Variants in BYSL observed in about 807,000 individuals in gnomAD.
BYSL encodes the protein bystin like, also known as bystin.
In BYSL, 21 loss-of-function variants were observed where a neutral mutation model predicts 45.4. The observed-to-expected ratio is 0.46, with a 90% CI of 0.33 to 0.67. The LOEUF (loss-of-function observed/expected upper bound fraction) is 0.67. Among genes scored for constraint, BYSL ranks in the 30% least tolerant of loss-of-function variants. The probability of loss-of-function intolerance (pLI) is 0.02; values close to 1 mark genes in which losing one functional copy is unlikely to be tolerated. For synonymous variants in BYSL, 215 were observed against 231.3 expected, an observed-to-expected ratio of 0.93 and a Z score of 0.64; for missense variants, 522 against 578.5, an observed-to-expected ratio of 0.90 and a Z score of 1.00.
Position 41,921,597 on chromosome 6 carries a change from G to T in BYSL, c.35G>T (p.Gly12Val), listed in dbSNP as rs147171521. ...TTCAAGGCGGCCCGTGGGGTGGGGG[G>T]TCAGGAAAAACATGCGCCCCTGGCC... ...PKFKAARGVGGQEKHAPLADQ... is the reference protein window; with the variant it reads ...PKFKAARGVGVQEKHAPLADQ... Residue 12 changes from glycine to valine, a missense_variant, in exon 1 of 7, where the codon GGT becomes GTT. Gly to Val is a moderately radical substitution (Grantham distance 109, BLOSUM62 -3). Transcript: ENST00000230340. 3.1e-6 allele frequency: 5 copies of T among 1,597,870 alleles called. No homozygotes were observed. Among genetic ancestry groups the T allele is most frequent in the Non-Finnish European group, 4.3e-6 (5 of 1,170,028 alleles).
the BYSL span, among the ~76,000 whole-genome samples, chr6:41,914,157 C>T: frequency 1.3e-5 from 2 of 152,302 alleles, no homozygotes; most frequent in South Asian, 2.1e-4. Flanking sequence ...CAGGAAACTA[C>T]TACCATCCCT....
At chr6:41,913,310 C>T in the BYSL span, among the ~76,000 whole-genome samples, 1 of 152,136 alleles carries the variant, frequency 6.6e-6, no homozygotes, top group Non-Finnish European at 1.5e-5. Context: ...CCAATCCAGG[C>T]ATGCTCACCC....
chr6:41,930,109 C>A, intron 2 of BYSL, 23 bp from the exon 3 acceptor site: 1 of 1,613,850 alleles, frequency 6.2e-7, no homozygotes, highest in African/African-American at 1.3e-5. Flanking sequence ...TCTCTCCCCT[C>A]CTCTTGGCAC....
the BYSL span, chr6:41,909,237 AC>A: frequency 6.2e-7 from 1 of 1,601,140 alleles, no homozygotes; most frequent in Non-Finnish European, 8.5e-7. Context: ...CCCCCTCAGA[AC>A]ATCCTGCTCC....
rs1435491160 is a variant in BYSL at position 41,932,296 on chromosome 6, G to GAGA, written c.969-62_969-60dup. The GAGA allele has an allele frequency of 6.2e-6, 9 of 1,448,436 alleles. No individual in the cohort carries two copies. Among genetic ancestry groups the GAGA allele is most frequent in the South Asian group, 6.1e-5 (5 of 81,732 alleles). The allele number at this position is 1,448,436 out of a possible 1,614,324, so 89.7% of individuals were successfully genotyped here. Reference sequence around the variant, plus strand: ...AGAAAAAAAGGGGAAAGCATAGAGGGAGAAGTAGGATCCTTCTTCCAATGT... The same window carrying GAGA: ...AGAAAAAAAGGGGAAAGCATAGAGGGAGAAGAAGTAGGATCCTTCTTCCAATGT... On this transcript the variant is annotated intron_variant, in intron 6 of 6. Transcript: ENST00000230340. The surrounding 1 kb of genome is among the most constrained non-coding windows in gnomAD (Gnocchi z 4.7).
In BYSL at chr6:41,932,919, C is replaced by G. The variant is rs1053137; in HGVS notation, c.*213C>G. Reference sequence around the variant, plus strand: ...TCTAGGCCCTTATCCCTGTTTAGTTCTGAGAGCCAACTTGAGATACCATAT... The same window carrying G: ...TCTAGGCCCTTATCCCTGTTTAGTTGTGAGAGCCAACTTGAGATACCATAT... On this transcript the variant is annotated 3_prime_UTR_variant, in exon 7 of 7. Coordinates refer to ENST00000230340, the MANE Select transcript of BYSL (RefSeq NM_004053.4). This position sits in a 1 kb window ranked among gnomAD's most constrained non-coding sequence, Gnocchi z 4.7. 3.5e-6 allele frequency: 2 copies of G among 573,764 alleles called. No homozygotes were observed. The highest frequency in any genetic ancestry group is 1.9e-5 in the African/African-American group (1 of 53,234). 35.5% of individuals were successfully genotyped at this position (573,764 alleles called of 1,614,324 possible). A position where few individuals can be genotyped will look rare whatever the true frequency, so the allele number is the denominator to read the frequency against.
chr6:41,932,696 C>T lies in BYSL; in HGVS notation c.1304C>T (p.Thr435Ile), dbSNP rs1775659016. The T allele has an allele frequency of 1.2e-6, 2 of 1,606,920 alleles. No homozygotes were observed. The highest frequency in any genetic ancestry group is 4.5e-5 in the East Asian group (2 of 44,728). The stretch of plus-strand genomic sequence containing the variant: ...CGCGATGTGGAAGATGTTCCCATCA[C>T]CGTGGAGTGAGGAAAACAGTCAGCT... ...VPRDVEDVPI[T>I]VE The change falls in exon 7 of 7, where the codon ACC (threonine) becomes ATC (isoleucine). Residue 435 changes from threonine to isoleucine, a missense_variant. Thr to Ile is a moderately conservative substitution (Grantham distance 89, BLOSUM62 -1). Coordinates refer to ENST00000230340, the MANE Select transcript of BYSL (RefSeq NM_004053.4). The surrounding 1 kb of genome is among the most constrained non-coding windows in gnomAD (Gnocchi z 4.7).
the BYSL span, among the ~76,000 whole-genome samples, chr6:41,913,537 T>C: frequency 6.6e-6 from 1 of 152,210 alleles, no homozygotes; most frequent in East Asian, 1.9e-4. Context: ...ACACAAATGG[T>C]AACTTCAATT....
At chr6:41,909,268 C>A in the BYSL span, 1 of 1,613,704 alleles carries the variant, frequency 6.2e-7, no homozygotes, top group South Asian at 1.1e-5. Flanking sequence ...CAAGGTCTTA[C>A]CTCCACAGAG....
At chr6:41,928,301 G>A (rs1458721447) in intron 2 of BYSL, among the ~76,000 whole-genome samples, 2 of 152,114 alleles carry the variant, frequency 1.3e-5, no homozygotes, top group African/African-American at 4.8e-5. Context: ...GATACTTTAG[G>A]CTGTTTTGGG....
At chr6:41,918,816 G>A (rs1327378349), upstream of BYSL, among the ~76,000 whole-genome samples, 14 of 149,902 alleles carry the variant, frequency 9.3e-5, no homozygotes, top group Non-Finnish European at 1.3e-4. Flanking sequence ...GCGCGGTGGC[G>A]GGCGCCTGTA....
At chr6:41,925,686 A>T (rs1775554498) in intron 1 of BYSL, among the ~76,000 whole-genome samples, 1 of 134,916 alleles carries the variant, frequency 7.4e-6, no homozygotes, top group Non-Finnish European at 1.6e-5. Flanking sequence ...TTATTTATTT[A>T]TTTATTTTTT....
the BYSL span, among the ~76,000 whole-genome samples, chr6:41,914,623 T>TCTC: frequency 0.25 from 37,350 of 150,694 alleles, 4,746 homozygotes; most frequent in Middle Eastern, 0.31. Context: ...ATCCAAAGAG[T>TCTC]CTCTCTCATT....
At chr6:41,916,689 C>A, upstream of BYSL, 1 of 1,466,828 alleles carries the variant, frequency 6.8e-7, no homozygotes, top group Non-Finnish European at 9.3e-7. Flanking sequence ...TTTAAGAATA[C>A]CACCTTTAGC....
At position 41,930,226 on chromosome 6, in the gene BYSL, C is replaced by T; in HGVS notation, c.526C>T (p.Gln176Ter). ...MSEVSGFPMPQLDPRVLEVYR... is the reference protein window; with the variant it reads ...MSEVSGFPMP The stretch of plus-strand genomic sequence containing the variant: ...AGAGGTGTCGGGCTTCCCTATGCCC[C>T]AGCTGGACCCCCGGGTCCTAGAAGT... Residue 176 changes from glutamine (Q) to a stop codon, truncating the protein, a stop_gained, in exon 3 of 7, where the codon CAG becomes TAG. Transcript: ENST00000230340. LOFTEE classifies it high-confidence loss of function. 1.9e-6 allele frequency: 3 copies of T among 1,614,160 alleles called. No homozygotes were observed. The highest frequency in any genetic ancestry group is 1.1e-5 in the South Asian group (1 of 91,082).
the BYSL span, chr6:41,912,840 CT>C: frequency 2.6e-5 from 4 of 152,088 alleles, no homozygotes; most frequent in African/African-American, 9.7e-5. Flanking sequence ...AGCCAGGGCG[CT>C]CATGCCTGTA....
upstream of BYSL, among the ~76,000 whole-genome samples, chr6:41,919,570 G>A (rs967934719): frequency 2.6e-5 from 4 of 152,150 alleles, no homozygotes; most frequent in African/African-American, 9.7e-5. Flanking sequence ...GAAGTCCTAG[G>A]ATTCTGAAAA....
chr6:41,921,205 G>T, upstream of BYSL: 1 of 749,686 alleles, frequency 1.3e-6, no homozygotes, highest in Non-Finnish European at 2.1e-6. Flanking sequence ...ACCCCTCGGT[G>T]ACGCCTCCAC....
the BYSL span, among the ~76,000 whole-genome samples, chr6:41,916,294 A>C: frequency 6.7e-6 from 1 of 149,248 alleles, no homozygotes. Context: ...AAATAAAATA[A>C]AGTGGCCGGG....
Sources: gnomAD v4.1 joint callset for allele counts (sites outside exome capture counted in the v4.1 genomes callset) on GRCh38, gnomAD v4.1.1 for gene constraint, Gnocchi (gnomAD v3.1) non-coding constraint, MANE v1.5 for transcripts, NCBI Gene and HGNC (gene_info 2026-07-23, HGNC 2026-07-21) for gene names.